Variants in CLHC1 observed in about 807,000 individuals in gnomAD.
CLHC1 encodes clathrin heavy chain linker domain-containing protein 1.
Under a neutral mutation model 69.5 loss-of-function variants are expected in CLHC1, and 72 were observed. That is an observed-to-expected ratio of 1.04 (90% CI 0.86 to 1.26). The LOEUF (loss-of-function observed/expected upper bound fraction) is 1.26. CLHC1 is among the 50% of genes most tolerant of loss of function. CLHC1 has a pLI of 0.00. For missense variants in CLHC1, 790 were observed against 679.3 expected, an observed-to-expected ratio of 1.16 and a Z score of -1.81; for synonymous variants, 223 against 224.3, an observed-to-expected ratio of 0.99 and a Z score of 0.05.
At position 55,190,085 on chromosome 2, in the gene CLHC1, C is replaced by T. The variant is rs534106652; in HGVS notation, c.1007-8341G>A. Among the ~76,000 whole-genome samples, 33 of 152,166 alleles carry T rather than the reference C, an allele frequency of 2.2e-4. No individual in the cohort carries two copies. The South Asian group carries it at 6.8e-3, about 32-fold the overall frequency. Reference sequence around the variant, plus strand: ...TTTGAGACGGAGTCTCACTCTGTGGCCCAGGCTGGAGTGCAGTGGCGTGAT... The same window carrying T: ...TTTGAGACGGAGTCTCACTCTGTGGTCCAGGCTGGAGTGCAGTGGCGTGAT... On this transcript the variant is annotated intron_variant, in intron 9 of 12. Transcript: ENST00000401408.
intron 12 of CLHC1, 53 bp from the exon 13 acceptor site, chr2:55,176,039 C>G (rs1351196151): frequency 1.4e-6 from 2 of 1,406,462 alleles, no homozygotes; most frequent in Non-Finnish European, 2.0e-6. Flanking sequence ...ATAATCTATA[C>G]TTTAGTGATT....
At chr2:55,188,525 T>G (rs1018948131) in intron 9 of CLHC1, among the ~76,000 whole-genome samples, 1 of 152,164 alleles carries the variant, frequency 6.6e-6, no homozygotes, top group South Asian at 2.1e-4. Context: ...ACAAACACTT[T>G]GGGAAAATGT....
chr2:55,223,313 C>A (rs1408244952), intron 2 of CLHC1, among the ~76,000 whole-genome samples: 1 of 152,212 alleles, frequency 6.6e-6, no homozygotes, highest in East Asian at 1.9e-4. Context: ...GAGGTCCGGA[C>A]TTCTGCTAAA....
intron 2 of CLHC1, among the ~76,000 whole-genome samples, chr2:55,223,425 G>A (rs1674354788): frequency 6.6e-6 from 1 of 152,132 alleles, no homozygotes; most frequent in African/African-American, 2.4e-5. Flanking sequence ...GGCGGCGGCG[G>A]CCTGGCGGGG....
intron 1 of CLHC1, among the ~76,000 whole-genome samples, chr2:55,231,628 A>T (rs1382679134): frequency 2.0e-5 from 3 of 152,188 alleles, no homozygotes; most frequent in Non-Finnish European, 4.4e-5. Context: ...GGATGAAGAA[A>T]TAAATACAGA....
Position 55,217,893 on chromosome 2 carries a change from G to A in CLHC1, c.283C>T (p.Leu95Phe). Residue 95 changes from leucine (L) to phenylalanine (F), a missense_variant, in exon 4 of 13, where the codon CTT (leucine) becomes TTT (phenylalanine). Transcript: ENST00000401408. ...GCCAAACCTTTAAGTTTTCCATGAA[G>A]ACAAAATGTAGTTCTTCGGTCTTTC... The part of the protein sequence containing the change: ...IKKDRRTTFC[L>F]HGKLKGLAAE... 1.9e-6 allele frequency: 3 copies of A among 1,605,610 alleles called. No homozygotes were observed. Among genetic ancestry groups the A allele is most frequent in the Non-Finnish European group, 2.6e-6 (3 of 1,176,300 alleles).
At chr2:55,188,856 C>T (rs1670662776) in intron 9 of CLHC1, among the ~76,000 whole-genome samples, 1 of 152,082 alleles carries the variant, frequency 6.6e-6, no homozygotes, top group East Asian at 1.9e-4. Context: ...AATTCAGGAA[C>T]ACATGCAGGA....
chr2:55,195,981 C>T lies in CLHC1; in HGVS notation c.1006+10289G>A, dbSNP rs188202157. On this transcript the variant is annotated intron_variant, in intron 9 of 12. Transcript: ENST00000401408. ...TTGAATTGCCAACTCACCACTCCCC[C>T]ATCCTTTGGCAGTGGCCACGTGCCA... 5.3e-5 allele frequency among the ~76,000 whole-genome samples: 8 copies of T among 152,322 alleles called. No homozygotes were observed. In the East Asian group the frequency reaches 1.5e-3, roughly 29 times the overall value.
intron 9 of CLHC1, among the ~76,000 whole-genome samples, chr2:55,196,611 T>C (rs539425401): frequency 6.6e-6 from 1 of 152,184 alleles, no homozygotes; most frequent in African/African-American, 2.4e-5. Context: ...GCCACTGTCT[T>C]GAAAGGAAGG....
intron 9 of CLHC1, among the ~76,000 whole-genome samples, chr2:55,191,969 A>G (rs1437957116): frequency 6.6e-6 from 1 of 152,058 alleles, no homozygotes; most frequent in African/African-American, 2.4e-5. Flanking sequence ...CCTATGAATA[A>G]CCACTGCACT....
At position 55,173,713 on chromosome 2, in the gene CLHC1, T is replaced by G. The variant is rs916058277; in HGVS notation, c.*2077A>C. Among the ~76,000 whole-genome samples, 4 of 152,200 alleles carry G rather than the reference T, an allele frequency of 2.6e-5. No homozygotes were observed. The highest frequency in any genetic ancestry group is 9.7e-5 in the African/African-American group (4 of 41,450). On this transcript the variant is annotated 3_prime_UTR_variant, in exon 13 of 13. Transcript: ENST00000401408. ...AATTCTTTCTCCTTCCTCATTTAAC[T>G]TTGTAATCTTGCTCTTCCTCCCAAC...
intron 2 of CLHC1, chr2:55,225,719 G>A: frequency 6.6e-6 from 1 of 152,508 alleles, no homozygotes; most frequent in Non-Finnish European, 1.5e-5. Flanking sequence ...TGCGTGCCAG[G>A]GGGTTCCTGC....
intron 7 of CLHC1, 41 bp from the exon 8 acceptor site, chr2:55,208,751 A>G: frequency 7.4e-7 from 1 of 1,347,800 alleles, no homozygotes; most frequent in Non-Finnish European, 1.1e-6. Context: ...ATTTAAGGTT[A>G]CTTACCAATA....
intron 5 of CLHC1, 122 bp downstream of exon 5, chr2:55,212,551 T>G: frequency 1.3e-6 from 1 of 752,192 alleles, no homozygotes. Context: ...TAAAATTATG[T>G]GTACAACACA....
intron 9 of CLHC1, among the ~76,000 whole-genome samples, chr2:55,195,616 A>G (rs982745211): frequency 6.6e-6 from 1 of 152,138 alleles, no homozygotes; most frequent in Non-Finnish European, 1.5e-5. Context: ...AGCCTGGCCA[A>G]CATGGTGAAA....
chr2:55,186,909 C>T (rs1670467749), intron 9 of CLHC1, among the ~76,000 whole-genome samples: 1 of 152,026 alleles, frequency 6.6e-6, no homozygotes, highest in East Asian at 1.9e-4. Context: ...TGAGGTGGCA[C>T]TACAAATTAG....
intron 9 of CLHC1, among the ~76,000 whole-genome samples, chr2:55,204,146 TG>T (rs1358125664): frequency 6.6e-6 from 1 of 152,098 alleles, no homozygotes; most frequent in African/African-American, 2.4e-5. Context: ...TAGCTGGGCA[TG>T]GTGGTGCATG....
At chr2:55,215,236 T>C (rs1434854652) in intron 4 of CLHC1, 1 of 152,164 alleles carries the variant, frequency 6.6e-6, no homozygotes, top group East Asian at 1.9e-4. Flanking sequence ...TTTTAAAAAA[T>C]CTTTCCAAAA....
intron 9 of CLHC1, among the ~76,000 whole-genome samples, chr2:55,198,741 A>G (rs970633977): frequency 6.6e-6 from 1 of 152,230 alleles, no homozygotes; most frequent in Non-Finnish European, 1.5e-5. Flanking sequence ...AAGGTCAAGG[A>G]TAAAGAAAAG....
Sources: allele counts gnomAD v4.1 joint callset (sites outside exome capture counted in the v4.1 genomes callset), GRCh38; gene constraint gnomAD v4.1.1; transcripts MANE v1.5; gene names NCBI Gene and HGNC (gene_info 2026-07-23, HGNC 2026-07-21).